ALAS2: variants seen among roughly 807,000 people sequenced by gnomAD.
The protein encoded by ALAS2 is 5-aminolevulinate synthase, erythroid-specific, mitochondrial.
Under a neutral mutation model 33.7 loss-of-function variants are expected in ALAS2, and 3 were observed. That is an observed-to-expected ratio of 0.09 (90% CI 0.04 to 0.23). The LOEUF (loss-of-function observed/expected upper bound fraction) is 0.23. ALAS2 is among the 10% of genes least tolerant of loss of function. ALAS2 has a pLI of 1.00. For missense variants in ALAS2, 304 were observed against 475.1 expected, an observed-to-expected ratio of 0.64 and a Z score of 3.35; for synonymous variants, 191 against 177.3, an observed-to-expected ratio of 1.08 and a Z score of -0.61.
At chrX:55,011,890 C>T (rs1602243510) in intron 10 of ALAS2, among the ~76,000 whole-genome samples, 1 of 111,447 alleles carries the variant, frequency 9.0e-6, no homozygotes, top group Non-Finnish European at 1.9e-5. Flanking sequence ...CTCCCAGTTG[C>T]AACTTAGAAG....
At chrX:55,011,871 G>A (rs1169158935) in intron 10 of ALAS2, among the ~76,000 whole-genome samples, 1 of 111,601 alleles carries the variant, frequency 9.0e-6, no homozygotes, top group African/African-American at 3.3e-5. Context: ...CATGGAGGTA[G>A]AGACAGACCT....
At position 55,020,261 on chromosome X, in the gene ALAS2, A is replaced by C. The variant is rs193222459; in HGVS notation, c.823+59T>G. 1.4e-4 allele frequency: 156 copies of C among 1,110,290 alleles called. 1 individual carries two copies. In the East Asian group the frequency reaches 4.6e-3, roughly 33 times the overall value. The allele number at this position is 1,110,290 out of a possible 1,213,427, so 91.5% of individuals were successfully genotyped here. On this transcript the variant is annotated intron_variant, in intron 6 of 10. Coordinates refer to ENST00000650242, the MANE Select transcript of ALAS2 (RefSeq NM_000032.5). Reference sequence around the variant, plus strand: ...CAGGGAAGGAGTGATGGAACCAGTGAAACTGGATGCTGTATTGCAGGATAC... The same window carrying C: ...CAGGGAAGGAGTGATGGAACCAGTGCAACTGGATGCTGTATTGCAGGATAC...
intron 4 of ALAS2, among the ~76,000 whole-genome samples, chrX:55,022,440 A>G (rs1009728398): frequency 1.8e-5 from 2 of 111,912 alleles, no homozygotes; most frequent in African/African-American, 6.5e-5. Flanking sequence ...AATTCAATAA[A>G]TGTAGAAAAA....
rs1602241746 is a variant in ALAS2 at position 55,009,235 on chromosome X, C to T, written c.1709G>A (p.Trp570Ter). Residue 570 changes from tryptophan (W) to a stop codon, truncating the protein, a stop_gained, in exon 11 of 11, where the codon TGG (tryptophan) becomes TAG (stop). Transcript: ENST00000650242. LOFTEE classifies it high-confidence loss of function. ...CATGTTCCCGAAGTAGGAACGTTCC[C>T]ACTCACTCATGAGCTCAAAGTGTAC... ...RPVHFELMSEWERSYFGNMGP... is the reference protein window; with the variant it reads ...RPVHFELMSE The T allele has an allele frequency of 2.5e-6, 3 of 1,208,050 alleles. No homozygotes were observed. Among genetic ancestry groups the T allele is most frequent in the East Asian group, 5.9e-5 (2 of 33,753 alleles).
At chrX:55,018,097 A>G (rs916916395) in intron 6 of ALAS2, among the ~76,000 whole-genome samples, 7 of 112,065 alleles carry the variant, frequency 6.2e-5, no homozygotes, top group Admixed American at 9.5e-5. Context: ...TCCAGGTAGC[A>G]TCTGCTTGTG....
rs747543670 is a variant in ALAS2 at position 55,023,191 on chromosome X, G to GGTGTGTGTGT, written c.415+556_415+565dup. Among the ~76,000 whole-genome samples the GGTGTGTGTGT allele has an allele frequency of 6.3e-3, 622 of 98,699 alleles. 5 individuals are homozygous for GGTGTGTGTGT. Among genetic ancestry groups the GGTGTGTGTGT allele is most frequent in the African/African-American group, 0.022 (601 of 27,201 alleles). 85.7% of individuals were successfully genotyped at this position (98,699 alleles called of 115,157 possible). A position where few individuals can be genotyped will look rare whatever the true frequency, so the allele number is the denominator to read the frequency against. The stretch of plus-strand genomic sequence containing the variant: ...CATGGGTGTGGTGAAGAGAGCAGAG[G>GGTGTGTGTGT]GTGTGTGTGTGTGTGTGTGTGTGTG... On this transcript the variant is annotated intron_variant, in intron 4 of 10. Coordinates refer to ENST00000650242, the MANE Select transcript of ALAS2 (RefSeq NM_000032.5).
At position 55,015,702 on chromosome X, in the gene ALAS2, G is replaced by C; in HGVS notation, c.1044C>G (p.His348Gln). The change falls in exon 8 of 11, where the codon CAC (histidine) becomes CAG (glutamine). Residue 348 changes from histidine (H) to glutamine (Q), a missense_variant. By Grantham distance (24) the His-to-Gln change is conservative. Coordinates refer to ENST00000650242, the MANE Select transcript of ALAS2 (RefSeq NM_000032.5). Reference protein sequence around the residue: ...CPLEELCDVSHQYGALTFVDE... With the variant: ...CPLEELCDVSQQYGALTFVDE... ...CCACGAAGGTCAGGGCCCCATACTG[G>C]TGGGACACATCACACAACTCCTCGA... 8.3e-7 allele frequency: 1 copy of C among 1,211,260 alleles called. No homozygotes were observed. Among genetic ancestry groups the C allele is most frequent in the African/African-American group, 1.7e-5 (1 of 57,595 alleles).
At chrX:55,020,846 T>G (rs1232689492) in intron 5 of ALAS2, among the ~76,000 whole-genome samples, 2 of 112,140 alleles carry the variant, frequency 1.8e-5, no homozygotes, top group Admixed American at 1.9e-4. Context: ...ATCCTTCCCC[T>G]CCATAGCATT....
chrX:55,027,436 G>A (rs1221251725), intron 1 of ALAS2, among the ~76,000 whole-genome samples: 2 of 110,076 alleles, frequency 1.8e-5, no homozygotes, highest in Non-Finnish European at 3.8e-5. Context: ...GTTAAGAGGG[G>A]TGAGAGCTGA....
At chrX:55,026,043 T>C in intron 1 of ALAS2, 28 bp from the exon 2 acceptor site, 1 of 1,183,350 alleles carries the variant, frequency 8.5e-7, no homozygotes, top group Non-Finnish European at 1.1e-6. Flanking sequence ...GAGATGAGGT[T>C]CCATCATGAG....
chrX:55,017,637 G>A lies in ALAS2; in HGVS notation c.852C>T (p.Asn284=). The A allele has an allele frequency of 8.3e-7, 1 of 1,211,690 alleles. No homozygotes were observed. The highest frequency in any genetic ancestry group is 1.1e-6 in the Non-Finnish European group (1 of 895,492). The change falls in exon 7 of 11, where the codon AAC becomes AAT. Residue 284 remains asparagine, a synonymous_variant. Transcript: ENST00000650242. ...GGATACCTTGGATCATGGAAGCATG[G>A]TTGCCTGCGTCTGAGTAAATCTCGC... ...PGCEIYSDAG[N]HASMIQGIRN...
At chrX:55,012,718 G>T (rs191250849) in intron 10 of ALAS2, among the ~76,000 whole-genome samples, 1 of 112,200 alleles carries the variant, frequency 8.9e-6, no homozygotes, top group African/African-American at 3.2e-5. Flanking sequence ...GCCAGGACCC[G>T]GGAGGCAGAG....
In ALAS2 at chrX:55,023,791, C is replaced by T. The variant is rs1057521007; in HGVS notation, c.381G>A (p.Gly127=). ...TGTTCTGAATCAGGTGTGTGACCTT[C>T]CCAGAGATCTGCTCCTGCTCCTGGG... ...SGPQEQEQIS[G]KVTHLIQNNM... Residue 127 remains glycine, a synonymous_variant, in exon 4 of 11, where the codon GGG becomes GGA. Transcript: ENST00000650242. The T allele has an allele frequency of 3.2e-5, 39 of 1,209,198 alleles. No homozygotes were observed. Among genetic ancestry groups the T allele is most frequent in the Non-Finnish European group, 4.2e-5 (38 of 895,065 alleles).
At chrX:55,018,405 C>G (rs1015297677) in intron 6 of ALAS2, among the ~76,000 whole-genome samples, 1 of 111,053 alleles carries the variant, frequency 9.0e-6, no homozygotes, top group Non-Finnish European at 1.9e-5. Flanking sequence ...ATAACTTCCA[C>G]CTGAGAAAAT....
chrX:55,030,459 T>C (rs1935976574), intron 1 of ALAS2, among the ~76,000 whole-genome samples: 1 of 111,324 alleles, frequency 9.0e-6, no homozygotes, highest in Non-Finnish European at 1.9e-5. Context: ...CCCACTGAGC[T>C]CTGCTGTCAG....
chrX:55,011,815 G>T (rs1403338248), intron 10 of ALAS2, among the ~76,000 whole-genome samples: 1 of 111,643 alleles, frequency 9.0e-6, no homozygotes, highest in Non-Finnish European at 1.9e-5. Flanking sequence ...AGGCCCAGGA[G>T]TCTGGGTCAT....
intron 2 of ALAS2, among the ~76,000 whole-genome samples, 188 bp downstream of exon 2, chrX:55,025,632 G>A (rs959998218): frequency 6.9e-4 from 77 of 112,102 alleles, no homozygotes; most frequent in African/African-American, 1.6e-3. Context: ...GTGCCTGGCC[G>A]AGAATGAGAC....
chrX:55,015,961 G>C (rs58878971), intron 7 of ALAS2, among the ~76,000 whole-genome samples: 889 of 19,381 alleles, frequency 0.046, 5 homozygotes, highest in African/African-American at 0.13. Context: ...CTGTCTCTCT[G>C]TGTGTGTGTG....
At chrX:55,009,442 C>A (rs1935563586) in intron 10 of ALAS2, 99 bp from the exon 11 acceptor site, 1 of 892,033 alleles carries the variant, frequency 1.1e-6, no homozygotes, top group Non-Finnish European at 1.6e-6. Context: ...CCCCCTCAAC[C>A]CTTCAAGATA....
Sources: allele counts gnomAD v4.1 joint callset (sites outside exome capture counted in the v4.1 genomes callset), GRCh38; gene constraint gnomAD v4.1.1; transcripts MANE v1.5; gene names NCBI Gene and HGNC (gene_info 2026-07-23, HGNC 2026-07-21).